PPCDC: variants seen among roughly 807,000 people sequenced by gnomAD.
The protein encoded by PPCDC is phosphopantothenoylcysteine decarboxylase.
PPCDC carries 20 observed loss-of-function variants against 20.7 expected under a neutral mutation model. That is an observed-to-expected ratio of 0.97 (90% CI 0.68 to 1.41). PPCDC has a LOEUF of 1.41. Ranked by LOEUF, PPCDC falls within the 40% of genes most tolerant of loss-of-function variation. PPCDC has a pLI of 0.00. For missense variants in PPCDC, 246 were observed against 263.8 expected, an observed-to-expected ratio of 0.93 and a Z score of 0.47; for synonymous variants, 88 against 100.3, an observed-to-expected ratio of 0.88 and a Z score of 0.73.
chr15:75,028,824 C>T (rs2065988169), intron 2 of PPCDC, among the ~76,000 whole-genome samples: 2 of 152,148 alleles, frequency 1.3e-5, no homozygotes, highest in Admixed American at 6.5e-5. Context: ...GCTTCCCCAT[C>T]CCTGCTTTCA....
chr15:75,032,030 T>C (rs961285717), intron 2 of PPCDC, among the ~76,000 whole-genome samples: 3 of 152,186 alleles, frequency 2.0e-5, no homozygotes, highest in Non-Finnish European at 2.9e-5. Flanking sequence ...AATCCCTCTT[T>C]AGGCAGATAA....
At chr15:75,031,853 G>A (rs1036776411) in intron 2 of PPCDC, among the ~76,000 whole-genome samples, 1 of 152,132 alleles carries the variant, frequency 6.6e-6, no homozygotes, top group Non-Finnish European at 1.5e-5. Flanking sequence ...GGAAATAGGG[G>A]CTTGGGGCTT....
rs761522016 is a variant in PPCDC, at chr15:75,049,130, C to T, written c.530-20C>T. The T allele has an allele frequency of 6.2e-7, 1 of 1,610,270 alleles. No homozygotes were observed. Among genetic ancestry groups the T allele is most frequent in the South Asian group, 1.1e-5 (1 of 90,990 alleles). Reference sequence around the variant, plus strand: ...CAGGCACTGTTGGCCTGTCTGGCCACAGCGGAATTTTGCTCCCAGGTCTCG... The same window carrying T: ...CAGGCACTGTTGGCCTGTCTGGCCATAGCGGAATTTTGCTCCCAGGTCTCG... On this transcript the variant is annotated intron_variant, in intron 5 of 5. Coordinates refer to ENST00000342932, the MANE Select transcript of PPCDC (RefSeq NM_021823.5).
intron 2 of PPCDC, among the ~76,000 whole-genome samples, chr15:75,029,287 C>T (rs1410634801): frequency 2.0e-5 from 3 of 152,220 alleles, no homozygotes; most frequent in African/African-American, 7.2e-5. Flanking sequence ...GTTTTGGCCC[C>T]TTCTTTTAAA....
intron 1 of PPCDC, among the ~76,000 whole-genome samples, chr15:75,025,221 C>T (rs1277108836): frequency 2.0e-5 from 3 of 152,162 alleles, no homozygotes; most frequent in Non-Finnish European, 4.4e-5. Context: ...CCTGGGCAGC[C>T]GGTAGTGAGG....
chr15:75,034,638 G>A (rs998252804), intron 2 of PPCDC, among the ~76,000 whole-genome samples: 5 of 152,206 alleles, frequency 3.3e-5, no homozygotes, highest in Admixed American at 2.6e-4. Flanking sequence ...TTAGCTGGCC[G>A]CTAGGACCTG....
At chr15:75,037,474 C>T (rs150125340) in intron 2 of PPCDC, among the ~76,000 whole-genome samples, 263 of 152,222 alleles carry the variant, frequency 1.7e-3, no homozygotes, top group African/African-American at 5.9e-3. Context: ...GGGCTGGGCG[C>T]GGTGGCTCAT....
chr15:75,030,350 G>A (rs1301793324), intron 2 of PPCDC, among the ~76,000 whole-genome samples: 1 of 152,200 alleles, frequency 6.6e-6, no homozygotes, highest in Non-Finnish European at 1.5e-5. Context: ...TGTGTTTCCT[G>A]GCCATCACCC....
chr15:75,029,499 TCAG>T (rs1373676050), intron 2 of PPCDC, among the ~76,000 whole-genome samples: 3 of 152,084 alleles, frequency 2.0e-5, no homozygotes, highest in African/African-American at 4.8e-5. Context: ...CGTGGTCACA[TCAG>T]CTGGGGCTGG....
intron 4 of PPCDC, among the ~76,000 whole-genome samples, chr15:75,047,112 G>T (rs556348589): frequency 6.6e-6 from 1 of 152,356 alleles, no homozygotes; most frequent in South Asian, 2.1e-4. Flanking sequence ...AGAGGAGTTG[G>T]AGTGCTGGTT....
At chr15:75,035,163 G>A (rs776545519) in intron 2 of PPCDC, among the ~76,000 whole-genome samples, 1 of 152,166 alleles carries the variant, frequency 6.6e-6, no homozygotes, top group African/African-American at 2.4e-5. Flanking sequence ...AGATGGAAAT[G>A]CTCTTCACGG....
chr15:75,050,614 T>A lies in PPCDC; in HGVS notation c.*1379T>A, dbSNP rs1308205652. The stretch of plus-strand genomic sequence containing the variant: ...GGACCAGGAAGCCTACTGGCTGGAA[T>A]CAGTGCTCCAGCAGCCTCCACAGCC... On this transcript the variant is annotated 3_prime_UTR_variant, in exon 6 of 6. Transcript: ENST00000342932. 1 of 152,260 alleles carries A rather than the reference T, an allele frequency of 6.6e-6. No individual in the cohort carries two copies. The highest frequency in any genetic ancestry group is 1.9e-4 in the East Asian group (1 of 5,196). 9.4% of individuals were successfully genotyped at this position (152,260 alleles called of 1,614,324 possible). A position where few individuals can be genotyped will look rare whatever the true frequency, so the allele number is the denominator to read the frequency against.
Position 75,044,722 on chromosome 15 carries a change from C to T in PPCDC, c.360+208C>T, listed in dbSNP as rs1210152136. ...CCCTGGTCCTGATGGGTCAGTGTGA[C>T]CTGCCACTGCTCCCCAGGAGTGTCC... On this transcript the variant is annotated intron_variant, in intron 4 of 5. Coordinates refer to ENST00000342932, the MANE Select transcript of PPCDC (RefSeq NM_021823.5). The T allele has an allele frequency of 6.6e-6, 4 of 604,372 alleles. 1 individual carries two copies. Among genetic ancestry groups the T allele is most frequent in the African/African-American group, 5.7e-5 (3 of 53,080 alleles). The allele number at this position is 604,372 out of a possible 1,614,324, so 37.4% of individuals were successfully genotyped here. A position where few individuals can be genotyped will look rare whatever the true frequency, so the allele number is the denominator to read the frequency against.
chr15:75,043,763 C>A, intron 3 of PPCDC: 1 of 546,756 alleles, frequency 1.8e-6, no homozygotes, highest in Non-Finnish European at 3.3e-6. Context: ...TGGCCTGGTG[C>A]CTGAGGTTGA....
intron 1 of PPCDC, 133 bp from the exon 2 acceptor site, chr15:75,028,114 T>G: frequency 6.6e-6 from 4 of 610,094 alleles, no homozygotes; most frequent in South Asian, 4.5e-5. Flanking sequence ...CTTATCAAAC[T>G]GTGTGCTCCC....
At chr15:75,030,459 G>C (rs1382235450) in intron 2 of PPCDC, among the ~76,000 whole-genome samples, 1 of 152,242 alleles carries the variant, frequency 6.6e-6, no homozygotes, top group Non-Finnish European at 1.5e-5. Flanking sequence ...TGCTCTTGTG[G>C]AGGGCCCATG....
chr15:75,044,560 C>CA (rs1049405605), intron 4 of PPCDC, 46 bp downstream of exon 4: 2 of 1,593,716 alleles, frequency 1.3e-6, no homozygotes, highest in Non-Finnish European at 1.7e-6. Flanking sequence ...GCCTCACACC[C>CA]AGTTTGCTGA....
At position 75,028,258 on chromosome 15, in the gene PPCDC, C is replaced by A; in HGVS notation, c.-61C>A. 1 of 1,579,812 alleles carries A rather than the reference C, an allele frequency of 6.3e-7. No individual in the cohort carries two copies. Among genetic ancestry groups the A allele is most frequent in the Non-Finnish European group, 8.6e-7 (1 of 1,166,884 alleles). Reference sequence around the variant, plus strand: ...TGTTCTCCTTTTAGATCCTAAATCCCGACAGCTTTATAGAGCCCAGGCCTG... The same window carrying A: ...TGTTCTCCTTTTAGATCCTAAATCCAGACAGCTTTATAGAGCCCAGGCCTG... On this transcript the variant is annotated 5_prime_UTR_variant, in exon 2 of 6. Transcript: ENST00000342932.
At chr15:75,029,600 A>C (rs2141476354) in intron 2 of PPCDC, among the ~76,000 whole-genome samples, 1 of 152,176 alleles carries the variant, frequency 6.6e-6, no homozygotes, top group East Asian at 1.9e-4. Flanking sequence ...GGGATAAGCC[A>C]TGAAGCTGCC....
Sources: allele counts gnomAD v4.1 joint callset (sites outside exome capture counted in the v4.1 genomes callset), GRCh38; gene constraint gnomAD v4.1.1; transcripts MANE v1.5; gene names NCBI Gene and HGNC (gene_info 2026-07-23, HGNC 2026-07-21).